The following ABHD16A variants were observed in gnomAD, a reference collection of about 807,000 sequenced individuals.
ABHD16A encodes abhydrolase domain containing 16A, phospholipase, also known as phosphatidylserine lipase ABHD16A.
Under a neutral mutation model 89.8 loss-of-function variants are expected in ABHD16A, and 47 were observed. The ratio of observed to expected loss-of-function variants is 0.52; its 90% CI spans 0.41 to 0.67. The LOEUF (loss-of-function observed/expected upper bound fraction) is 0.67. Among genes scored for constraint, ABHD16A ranks in the 30% least tolerant of loss-of-function variants. ABHD16A has a pLI of 0.00. For synonymous variants in ABHD16A, 251 were observed against 280.4 expected (o/e 0.90, Z 1.05); for missense variants, 580 against 734.6 (o/e 0.79, Z 2.43).
chr6:31,694,389 T>TTTTTTTTTC (rs1298718542), intron 5 of ABHD16A, among the ~76,000 whole-genome samples: 1 of 40,358 alleles, frequency 2.5e-5, no homozygotes, highest in African/African-American at 5.8e-5. Context: ...AGCTGTGTCT[T>TTTTTTTTTC]TTTTTTTTTT....
At chr6:31,701,471 C>T (rs1166494769) in intron 2 of ABHD16A, 131 bp from the exon 3 acceptor site, 2 of 736,426 alleles carry the variant, frequency 2.7e-6, no homozygotes, top group Non-Finnish European at 4.6e-6. Context: ...GTGTATGACA[C>T]CATGAATACA....
At position 31,693,279 on chromosome 6, in the gene ABHD16A, C is replaced by G; in HGVS notation, c.503+80G>C. On this transcript the variant is annotated intron_variant, in intron 6 of 19. Transcript: ENST00000395952. This position sits in a 1 kb window ranked among gnomAD's most constrained non-coding sequence, Gnocchi z 5.0. The stretch of plus-strand genomic sequence containing the variant: ...AGGCAGGCACTGTGACCTGAGAGGG[C>G]ATGGAGGTGGGAGGGCAGAGCAGAG... The G allele has an allele frequency of 6.3e-7, 1 of 1,592,470 alleles. No homozygotes were observed. The highest frequency in any genetic ancestry group is 1.1e-5 in the South Asian group (1 of 90,090).
In ABHD16A at chr6:31,687,663, G is replaced by A. The variant is rs756797641; in HGVS notation, c.1525C>T (p.Pro509Ser). The A allele has an allele frequency of 1.1e-5, 18 of 1,612,744 alleles. No individual in the cohort carries two copies. The African/African-American group carries it at 1.7e-4, about 16-fold the overall frequency. The change falls in exon 18 of 20, where the codon CCC becomes TCC. Residue 509 changes from proline to serine, a missense_variant. Physicochemically the swap from Pro to Ser is moderately conservative, Grantham distance 74. This residue lies in a region of ABHD16A where 415 missense variants were observed against 568.8 expected (regional missense o/e 0.73). Coordinates refer to ENST00000395952, the MANE Select transcript of ABHD16A (RefSeq NM_021160.3). The surrounding 1 kb of genome is among the most constrained non-coding windows in gnomAD (Gnocchi z 6.3). ...TTACCCACGCTCCAGGGGAAGTCGG[G>A]CCCGTGTTCTGCCTGGTAGGAGCGG... ...VLRSYQAEHGPDFPWSVGEDM... is the reference protein window; with the variant it reads ...VLRSYQAEHGSDFPWSVGEDM...
Position 31,690,159 on chromosome 6 carries a change from T to C in ABHD16A, c.908-32A>G, listed in dbSNP as rs1803730915. On this transcript the variant is annotated intron_variant, in intron 10 of 19. Coordinates refer to ENST00000395952, the MANE Select transcript of ABHD16A (RefSeq NM_021160.3). The surrounding 1 kb of genome is among the most constrained non-coding windows in gnomAD (Gnocchi z 4.1). ...CACAGGGGGAGGAGGGACTGAGACC[T>C]TGTGGCCCACAGCCCTTTCTCCATC... The C allele has an allele frequency of 6.4e-7, 1 of 1,555,312 alleles. No individual in the cohort carries two copies. The highest frequency in any genetic ancestry group is 2.0e-5 in the Admixed American group (1 of 50,692).
rs1175566066 is a variant in ABHD16A at position 31,688,485 on chromosome 6, T to G, written c.1251-180A>C. 1 of 793,988 alleles carries G rather than the reference T, an allele frequency of 1.3e-6. No individual in the cohort carries two copies. The highest frequency in any genetic ancestry group is 2.0e-6 in the Non-Finnish European group (1 of 499,600). 49.2% of individuals were successfully genotyped at this position (793,988 alleles called of 1,614,324 possible). A position where few individuals can be genotyped will look rare whatever the true frequency, so the allele number is the denominator to read the frequency against. On this transcript the variant is annotated intron_variant, in intron 14 of 19. Coordinates refer to ENST00000395952, the MANE Select transcript of ABHD16A (RefSeq NM_021160.3). This position sits in a 1 kb window ranked among gnomAD's most constrained non-coding sequence, Gnocchi z 4.9. ...TAAGGGGCATGGTTCAGTCTGGCCC[T>G]GCTGGGAGACCCCTGCCGTGCCAGG...
rs370581249 is a variant in ABHD16A, at chr6:31,688,229, C to G, written c.1307+20G>C. The G allele has an allele frequency of 5.0e-6, 8 of 1,613,498 alleles. No homozygotes were observed. The highest frequency in any genetic ancestry group is 6.8e-6 in the Non-Finnish European group (8 of 1,179,586). ...GGCCATCTCTGGGGTTCCTGAGGGC[C>G]GAGATTCCCACGCACTCACGTGGTG... On this transcript the variant is annotated intron_variant, in intron 15 of 19. Transcript: ENST00000395952. This position sits in a 1 kb window ranked among gnomAD's most constrained non-coding sequence, Gnocchi z 4.9.
chr6:31,701,977 C>G, intron 2 of ABHD16A, 97 bp downstream of exon 2: 1 of 1,395,512 alleles, frequency 7.2e-7, no homozygotes. Context: ...CATCCCCCAA[C>G]CCCAGGGCAC....
chr6:31,692,304 G>C, intron 7 of ABHD16A: 2 of 176,978 alleles, frequency 1.1e-5, no homozygotes, highest in South Asian at 3.5e-4. Context: ...AAAAATGATG[G>C]TTATAATTCA....
rs781751649 is a variant in ABHD16A, at chr6:31,687,667, G to A, written c.1521C>T (p.His507=). 20 of 1,612,740 alleles carry A rather than the reference G, an allele frequency of 1.2e-5. No individual in the cohort carries two copies. Among genetic ancestry groups the A allele is most frequent in the East Asian group, 1.1e-4 (5 of 44,890 alleles). The change falls in exon 18 of 20, where the codon CAC becomes CAT. Residue 507 remains histidine (H), a synonymous_variant. Transcript: ENST00000395952. This position sits in a 1 kb window ranked among gnomAD's most constrained non-coding sequence, Gnocchi z 6.3. ...LSVLRSYQAE[H]GPDFPWSVGE... ...CCACGCTCCAGGGGAAGTCGGGCCC[G>A]TGTTCTGCCTGGTAGGAGCGGAGGA...
At chr6:31,702,596 ATTTAGAACAG>A in intron 1 of ABHD16A, 1 of 1,450,910 alleles carries the variant, frequency 6.9e-7, no homozygotes, top group South Asian at 1.5e-5. Context: ...GGAAGAGAAT[ATTTAGAACAG>A]CCTACCACCA....
Position 31,688,379 on chromosome 6 carries a change from C to A in ABHD16A, c.1251-74G>T. On this transcript the variant is annotated intron_variant, in intron 14 of 19. Coordinates refer to ENST00000395952, the MANE Select transcript of ABHD16A (RefSeq NM_021160.3). The surrounding 1 kb of genome is among the most constrained non-coding windows in gnomAD (Gnocchi z 4.9). ...GACAACTGGCCCACCCCTATCCCTG[C>A]ACTGGTAGCATTCTTACCCTCCCCT... 1 of 1,439,724 alleles carries A rather than the reference C, an allele frequency of 6.9e-7. No homozygotes were observed. Among genetic ancestry groups the A allele is most frequent in the Non-Finnish European group, 9.8e-7 (1 of 1,024,386 alleles). 89.2% of individuals were successfully genotyped at this position (1,439,724 alleles called of 1,614,324 possible).
chr6:31,692,680 A>G, intron 7 of ABHD16A: 1 of 317,362 alleles, frequency 3.2e-6, no homozygotes, highest in Non-Finnish European at 5.9e-6. Flanking sequence ...AACAGGGCAG[A>G]GGGGCCACGA....
chr6:31,689,532 G>A (rs1398653477), intron 12 of ABHD16A, 49 bp downstream of exon 12: 6 of 1,506,656 alleles, frequency 4.0e-6, no homozygotes, highest in Non-Finnish European at 5.3e-6. Context: ...GGGTGGGGCT[G>A]GGTGGTCATG....
In ABHD16A at chr6:31,697,030, A is replaced by G. The variant is rs1468774321; in HGVS notation, c.347T>C (p.Ile116Thr). Residue 116 changes from isoleucine (I) to threonine (T), a missense_variant, in exon 5 of 20, where the codon ATT becomes ACT. Coordinates refer to ENST00000395952, the MANE Select transcript of ABHD16A (RefSeq NM_021160.3). The part of the protein sequence containing the change: ...LLAGVACLRG[I>T]GRWTNPQYRQ... ...GTACTGGGGGTTGGTCCAGCGGCCA[A>G]TGCCTGGTAGAAAAAGGACAGGAAA... The G allele has an allele frequency of 6.2e-7, 1 of 1,612,738 alleles. No homozygotes were observed. The highest frequency in any genetic ancestry group is 1.3e-5 in the African/African-American group (1 of 74,926).
intron 7 of ABHD16A, 136 bp from the exon 8 acceptor site, chr6:31,692,054 C>G (rs1163358068): frequency 1.5e-6 from 1 of 680,658 alleles, no homozygotes; most frequent in East Asian, 2.8e-5. Context: ...TTTCCTCTTT[C>G]AAGCCTTAAT....
intron 4 of ABHD16A, among the ~76,000 whole-genome samples, chr6:31,700,221 G>C (rs1162273854): frequency 6.6e-6 from 1 of 151,324 alleles, no homozygotes; most frequent in Non-Finnish European, 1.5e-5. Context: ...TGCCTCCCAG[G>C]TTCAAGCTAT....
Position 31,690,110 on chromosome 6 carries a change from C to G in ABHD16A, c.925G>C (p.Gly309Arg). The G allele has an allele frequency of 6.3e-7, 1 of 1,599,300 alleles. No individual in the cohort carries two copies. Among genetic ancestry groups the G allele is most frequent in the Non-Finnish European group, 8.5e-7 (1 of 1,173,324 alleles). ...CCAGCAAAGCCTGGATGATTCCAGC[C>G]CAGGACTGAATATCCAGCTGTAACA... ...TPLEAGYSVL[G>R]WNHPGFAGST... The change falls in exon 11 of 20, where the codon GGC becomes CGC. Residue 309 changes from glycine (G) to arginine (R), a missense_variant. Physicochemically the swap from Gly to Arg is moderately radical, Grantham distance 125. Transcript: ENST00000395952. This position sits in a 1 kb window ranked among gnomAD's most constrained non-coding sequence, Gnocchi z 4.1.
At chr6:31,695,001 G>A (rs1179917530) in intron 5 of ABHD16A, among the ~76,000 whole-genome samples, 3 of 152,116 alleles carry the variant, frequency 2.0e-5, no homozygotes, top group Admixed American at 6.5e-5. Flanking sequence ...ACAAATAAAG[G>A]TAATAATGCC....
At position 31,702,141 on chromosome 6, in the gene ABHD16A, A is replaced by G; in HGVS notation, c.133-11T>C. 1 of 1,613,108 alleles carries G rather than the reference A, an allele frequency of 6.2e-7. No individual in the cohort carries two copies. Among genetic ancestry groups the G allele is most frequent in the Non-Finnish European group, 8.5e-7 (1 of 1,180,016 alleles). ...CTGATAGTACGTATCCTGCCAAAAC[A>G]GATGGCCTCCTTAAGGACCCTGCCC... On this transcript the variant is annotated splice_polypyrimidine_tract_variant and intron_variant, in intron 1 of 19. Coordinates refer to ENST00000395952, the MANE Select transcript of ABHD16A (RefSeq NM_021160.3).
Sources: gnomAD v4.1 joint callset for allele counts (sites outside exome capture counted in the v4.1 genomes callset) on GRCh38, gnomAD v4.1.1 for gene constraint, gnomAD v4.1.1 regional missense constraint, Gnocchi (gnomAD v3.1) non-coding constraint, MANE v1.5 for transcripts, NCBI Gene and HGNC (gene_info 2026-07-23, HGNC 2026-07-21) for gene names.